COMMD1: variants seen among roughly 807,000 people sequenced by gnomAD.
COMMD1 encodes copper metabolism domain containing 1, also known as COMM domain-containing protein 1.
COMMD1 carries 10 observed loss-of-function variants against 17.2 expected under a neutral mutation model. That is an observed-to-expected ratio of 0.58 (90% CI 0.36 to 0.99). The LOEUF (loss-of-function observed/expected upper bound fraction) is 0.99. Among genes scored for constraint, COMMD1 ranks in the 50% least tolerant of loss-of-function variants. COMMD1 has a pLI of 0.01. For synonymous variants in COMMD1, 97 were observed against 91.6 expected (o/e 1.06, Z -0.34); for missense variants, 270 against 231.8 (o/e 1.17, Z -1.07).
At chr2:62,004,391 T>G (rs1201424268) in intron 2 of COMMD1, among the ~76,000 whole-genome samples, 1 of 152,074 alleles carries the variant, frequency 6.6e-6, no homozygotes, top group Non-Finnish European at 1.5e-5. Flanking sequence ...GCCTCCACCC[T>G]CCGAGTTCAA....
At chr2:61,991,592 C>T (rs1048589561) in intron 1 of COMMD1, among the ~76,000 whole-genome samples, 1 of 152,084 alleles carries the variant, frequency 6.6e-6, no homozygotes, top group Non-Finnish European at 1.5e-5. Flanking sequence ...ACTTACCTTA[C>T]TAGGAGAGGA....
At position 62,133,549 on chromosome 2, in the gene COMMD1, G is replaced by GAA. The variant is rs547044702; in HGVS notation, c.463-2269_463-2268dup. Among the ~76,000 whole-genome samples the GAA allele has an allele frequency of 1.3e-4, 15 of 116,426 alleles. 2 individuals are homozygous for GAA. Among genetic ancestry groups the GAA allele is most frequent in the African/African-American group, 4.4e-4 (14 of 31,792 alleles). 76.4% of individuals were successfully genotyped at this position (116,426 alleles called of 152,430 possible). A position where few individuals can be genotyped will look rare whatever the true frequency, so the allele number is the denominator to read the frequency against. Reference sequence around the variant, plus strand: ...ATTTTATATGCACACAAGCTTAACAGAAAAAAAAAAAAAAGAAAATCCAAA... The same window carrying GAA: ...ATTTTATATGCACACAAGCTTAACAGAAAAAAAAAAAAAAAAGAAAATCCAAA... On this transcript the variant is annotated intron_variant, in intron 2 of 2. Coordinates refer to ENST00000311832, the MANE Select transcript of COMMD1 (RefSeq NM_152516.4).
At chr2:62,099,654 A>C (rs1672118540) in intron 2 of COMMD1, among the ~76,000 whole-genome samples, 1 of 151,138 alleles carries the variant, frequency 6.6e-6, no homozygotes, top group African/African-American at 2.4e-5. Context: ...TGTGGGCAGC[A>C]CTTTACAGTG....
intron 2 of COMMD1, among the ~76,000 whole-genome samples, chr2:62,056,994 G>A (rs1558580231): frequency 6.6e-6 from 1 of 152,160 alleles, no homozygotes; most frequent in Non-Finnish European, 1.5e-5. Context: ...GTTTTCTGCA[G>A]TGACAGCAAC....
At chr2:62,097,015 A>C (rs1412373273) in intron 2 of COMMD1, among the ~76,000 whole-genome samples, 1 of 152,270 alleles carries the variant, frequency 6.6e-6, no homozygotes, top group African/African-American at 2.4e-5. Context: ...AAGTGAAAGC[A>C]AAAAGATACT....
At chr2:61,960,997 T>TC (rs1367856353) in intron 1 of COMMD1, among the ~76,000 whole-genome samples, 10 of 152,152 alleles carry the variant, frequency 6.6e-5, no homozygotes, top group Admixed American at 4.6e-4. Context: ...GGCTCTCTTC[T>TC]CCCGGGGGCT....
Position 61,943,843 on chromosome 2 carries a change from C to T in COMMD1, c.180+37985C>T, listed in dbSNP as rs533747615. Among the ~76,000 whole-genome samples the T allele has an allele frequency of 8.6e-5, 13 of 151,802 alleles. 1 individual carries two copies. In the South Asian group the frequency reaches 2.7e-3, roughly 32 times the overall value. On this transcript the variant is annotated intron_variant, in intron 1 of 2. Transcript: ENST00000311832. ...CAGTGAGACTCTGTCTCAAAAAAAA[C>T]AAAACAAAACAAAACAAAAAATGAC...
intron 1 of COMMD1, among the ~76,000 whole-genome samples, chr2:61,920,981 A>ATT (rs61439372): frequency 0.014 from 2,048 of 141,336 alleles, 31 homozygotes; most frequent in East Asian, 0.046. Flanking sequence ...ATATATATAT[A>ATT]TTTTTTTTTT....
chr2:62,002,314 A>T (rs1202723395), intron 2 of COMMD1, among the ~76,000 whole-genome samples: 1 of 151,138 alleles, frequency 6.6e-6, no homozygotes, highest in Non-Finnish European at 1.5e-5. Context: ...AACATGGTGA[A>T]ACCTTGTCTC....
intron 2 of COMMD1, among the ~76,000 whole-genome samples, chr2:62,008,554 G>A (rs929942773): frequency 1.5e-4 from 23 of 152,102 alleles, no homozygotes; most frequent in African/African-American, 5.3e-4. Context: ...AACAGATAAC[G>A]TGCTTGGTTA....
intron 2 of COMMD1, among the ~76,000 whole-genome samples, chr2:62,111,832 G>C (rs755631269): frequency 5.3e-5 from 8 of 152,144 alleles, no homozygotes; most frequent in Non-Finnish European, 1.2e-4. Flanking sequence ...AGTCCCATTA[G>C]TAGTCATCAA....
chr2:62,050,199 G>A (rs533333388), intron 2 of COMMD1, among the ~76,000 whole-genome samples: 2 of 152,254 alleles, frequency 1.3e-5, no homozygotes, highest in East Asian at 3.9e-4. Flanking sequence ...TGAAGCATTA[G>A]ATCATTGCAA....
intron 2 of COMMD1, among the ~76,000 whole-genome samples, chr2:62,036,186 A>AC (rs1466539774): frequency 6.6e-6 from 1 of 152,060 alleles, no homozygotes; most frequent in East Asian, 1.9e-4. Context: ...AGTTTAGTAA[A>AC]CAAAGATAAA....
At chr2:62,109,291 G>GT (rs1352685329) in intron 2 of COMMD1, among the ~76,000 whole-genome samples, 1 of 152,132 alleles carries the variant, frequency 6.6e-6, no homozygotes, top group Non-Finnish European at 1.5e-5. Context: ...CCCTGATATC[G>GT]TTTTTTGGGA....
chr2:61,951,589 T>C (rs1317224301), intron 1 of COMMD1, among the ~76,000 whole-genome samples: 1 of 152,196 alleles, frequency 6.6e-6, no homozygotes, highest in Non-Finnish European at 1.5e-5. Flanking sequence ...ATATTAAAAC[T>C]CTTACCTGGG....
At chr2:62,000,660 T>G in intron 1 of COMMD1, 41 bp from the exon 2 acceptor site, 1 of 1,580,762 alleles carries the variant, frequency 6.3e-7, no homozygotes, top group Non-Finnish European at 8.7e-7. Flanking sequence ...TCTAATTACC[T>G]ATTTAATTCA....
chr2:62,004,001 G>A lies in COMMD1; in HGVS notation c.462+3019G>A, dbSNP rs115609466. On this transcript the variant is annotated intron_variant, in intron 2 of 2. Coordinates refer to ENST00000311832, the MANE Select transcript of COMMD1 (RefSeq NM_152516.4). ...AAATTAGCCGTGTGTGGTGGTGTGT[G>A]TCTGTAGTTCCAGCTACTCAGGAGG... Among the ~76,000 whole-genome samples the A allele has an allele frequency of 7.9e-3, 1,202 of 152,130 alleles. 11 individuals carry two copies. Among genetic ancestry groups the A allele is most frequent in the African/African-American group, 0.028 (1,145 of 41,504 alleles).
rs201297557 is a variant in COMMD1, at chr2:61,916,601, A to T, written c.180+10743A>T. ...CATGCCCGGCTAATTTAAAAAAAAA[A>T]TTTTTTTTAGCGACAGGGTCTCCCT... On this transcript the variant is annotated intron_variant, in intron 1 of 2. Transcript: ENST00000311832. 1.7e-3 allele frequency among the ~76,000 whole-genome samples: 262 copies of T among 151,246 alleles called. 1 individual carries two copies. The highest frequency in any genetic ancestry group is 9.9e-3 in the South Asian group (47 of 4,768).
intron 2 of COMMD1, among the ~76,000 whole-genome samples, chr2:62,032,597 A>C (rs1464608135): frequency 6.6e-6 from 1 of 152,166 alleles, no homozygotes; most frequent in East Asian, 1.9e-4. Context: ...ATAAAAAATC[A>C]TATCTGCTGT....
Sources: gnomAD v4.1 joint callset for allele counts (sites outside exome capture counted in the v4.1 genomes callset) on GRCh38, gnomAD v4.1.1 for gene constraint, MANE v1.5 for transcripts, NCBI Gene and HGNC (gene_info 2026-07-23, HGNC 2026-07-21) for gene names.